ZMAT4: variants seen among roughly 807,000 people sequenced by gnomAD.
ZMAT4 encodes the protein zinc finger matrin-type protein 4.
Under a neutral mutation model 28.7 loss-of-function variants are expected in ZMAT4, and 17 were observed. The observed-to-expected ratio is 0.59, with a 90% CI of 0.41 to 0.89. ZMAT4 has a LOEUF of 0.89. ZMAT4 is among the 40% of genes least tolerant of loss of function. ZMAT4 has a pLI of 0.00. For missense variants in ZMAT4, 240 were observed against 283.8 expected, an observed-to-expected ratio of 0.85 and a Z score of 1.11; for synonymous variants, 117 against 109.2, an observed-to-expected ratio of 1.07 and a Z score of -0.44.
intron 5 of ZMAT4, among the ~76,000 whole-genome samples, chr8:40,615,933 A>G (rs989750895): frequency 2.7e-5 from 4 of 149,876 alleles, no homozygotes; most frequent in Non-Finnish European, 5.9e-5. Context: ...AGAAACTACC[A>G]TCAGAGTGAA....
intron 5 of ZMAT4, among the ~76,000 whole-genome samples, chr8:40,662,323 C>A (rs995702778): frequency 6.6e-6 from 1 of 152,110 alleles, no homozygotes; most frequent in Non-Finnish European, 1.5e-5. Context: ...TTTGTTGTTG[C>A]TTTTGCCCTT....
At chr8:40,588,042 C>T (rs1804725813) in intron 5 of ZMAT4, among the ~76,000 whole-genome samples, 3 of 152,000 alleles carry the variant, frequency 2.0e-5, no homozygotes, top group Non-Finnish European at 4.4e-5. Context: ...AGAAATTCAT[C>T]AGGAGAACCT....
At chr8:40,647,072 C>G (rs1431561457) in intron 5 of ZMAT4, among the ~76,000 whole-genome samples, 1 of 152,072 alleles carries the variant, frequency 6.6e-6, no homozygotes, top group Non-Finnish European at 1.5e-5. Context: ...GGGGGAGGAG[C>G]CAAGATGGCC....
chr8:40,613,866 G>A (rs563621383), intron 5 of ZMAT4, among the ~76,000 whole-genome samples: 1 of 152,240 alleles, frequency 6.6e-6, no homozygotes, highest in Admixed American at 6.5e-5. Flanking sequence ...CTGGAAGTGT[G>A]GGAGAGTTGG....
At chr8:40,659,600 A>T (rs899990316) in intron 5 of ZMAT4, among the ~76,000 whole-genome samples, 2 of 152,134 alleles carry the variant, frequency 1.3e-5, no homozygotes, top group African/African-American at 4.8e-5. Flanking sequence ...GAACAATCTG[A>T]TATTTCACGT....
chr8:40,612,345 G>T (rs940288933), intron 5 of ZMAT4, among the ~76,000 whole-genome samples: 2 of 137,526 alleles, frequency 1.5e-5, no homozygotes, highest in Non-Finnish European at 3.4e-5. Flanking sequence ...AGGAAATGCA[G>T]GTTCTATGCC....
intron 2 of ZMAT4, among the ~76,000 whole-genome samples, chr8:40,808,861 A>AC (rs1017075269): frequency 2.0e-5 from 3 of 151,950 alleles, no homozygotes; most frequent in African/African-American, 7.2e-5. Flanking sequence ...AAAAAAAAAA[A>AC]AAAACTATTC....
chr8:40,576,028 A>T (rs1804251796), intron 6 of ZMAT4, among the ~76,000 whole-genome samples: 1 of 152,016 alleles, frequency 6.6e-6, no homozygotes, highest in Non-Finnish European at 1.5e-5. Flanking sequence ...AAAAAGTACC[A>T]TCAAGAACAT....
intron 2 of ZMAT4, among the ~76,000 whole-genome samples, chr8:40,805,645 T>A (rs991630267): frequency 2.9e-4 from 43 of 146,666 alleles, no homozygotes; most frequent in African/African-American, 1.1e-3. Flanking sequence ...TGTAGGGACA[T>A]GGATGAAATC....
At chr8:40,778,808 C>G (rs1813707432) in intron 2 of ZMAT4, among the ~76,000 whole-genome samples, 1 of 152,138 alleles carries the variant, frequency 6.6e-6, no homozygotes, top group Non-Finnish European at 1.5e-5. Context: ...AGGTTGCTTT[C>G]AATTGATGGC....
At chr8:40,542,491 T>A (rs1173540745) in intron 6 of ZMAT4, among the ~76,000 whole-genome samples, 3 of 152,102 alleles carry the variant, frequency 2.0e-5, no homozygotes, top group Admixed American at 1.3e-4. Flanking sequence ...TGGGCTCAAG[T>A]GATCCTCCCA....
rs79128368 is a variant in ZMAT4, at chr8:40,815,617, C to T, written c.102+9958G>A. Among the ~76,000 whole-genome samples the T allele has an allele frequency of 2.4e-3, 363 of 152,252 alleles. 2 individuals are homozygous for T. Among genetic ancestry groups the T allele is most frequent in the Admixed American group, 8.7e-3 (133 of 15,310 alleles). On this transcript the variant is annotated intron_variant, in intron 2 of 6. Coordinates refer to ENST00000297737, the MANE Select transcript of ZMAT4 (RefSeq NM_024645.3). Reference sequence around the variant, plus strand: ...TCTCCACGCAGAAGGTGGGATGGTTCGGGCTATTTAGCAGTGAGGCACAGA... The same window carrying T: ...TCTCCACGCAGAAGGTGGGATGGTTTGGGCTATTTAGCAGTGAGGCACAGA...
chr8:40,731,185 G>T (rs528058089), intron 3 of ZMAT4, among the ~76,000 whole-genome samples: 1 of 146,450 alleles, frequency 6.8e-6, no homozygotes, highest in African/African-American at 2.4e-5. Context: ...GTTGGAGGGC[G>T]TTCCAGGGGA....
At chr8:40,659,217 ACTC>A (rs1554534918) in intron 5 of ZMAT4, among the ~76,000 whole-genome samples, 1 of 151,978 alleles carries the variant, frequency 6.6e-6, no homozygotes, top group Non-Finnish European at 1.5e-5. Flanking sequence ...AAAATATAAA[ACTC>A]CTAAGTGTGC....
At chr8:40,743,387 G>T (rs1440435309) in intron 3 of ZMAT4, among the ~76,000 whole-genome samples, 2 of 152,316 alleles carry the variant, frequency 1.3e-5, no homozygotes, top group East Asian at 3.9e-4. Context: ...AGGAGCCCCA[G>T]ACAGCGGATT....
chr8:40,691,426 G>C (rs1219667529), intron 4 of ZMAT4, among the ~76,000 whole-genome samples: 1 of 151,000 alleles, frequency 6.6e-6, no homozygotes, highest in Admixed American at 6.6e-5. Flanking sequence ...AAAAGAGAGA[G>C]AGACTTGTTT....
At chr8:40,664,729 A>G (rs903831529) in intron 5 of ZMAT4, among the ~76,000 whole-genome samples, 1 of 152,234 alleles carries the variant, frequency 6.6e-6, no homozygotes, top group African/African-American at 2.4e-5. Flanking sequence ...TTGTCGTTGT[A>G]AGCCACTAAG....
At chr8:40,854,007 A>AG in intron 1 of ZMAT4, among the ~76,000 whole-genome samples, 1 of 152,282 alleles carries the variant, frequency 6.6e-6, no homozygotes. Flanking sequence ...AAGAAGGTGA[A>AG]GGGGGAGCAG....
rs147019059 is a variant in ZMAT4 at position 40,749,799 on chromosome 8, C to T, written c.192+17842G>A. 3.3e-4 allele frequency among the ~76,000 whole-genome samples: 51 copies of T among 152,290 alleles called. 1 individual carries two copies. In the East Asian group the frequency reaches 9.6e-3, roughly 29 times the overall value. On this transcript the variant is annotated intron_variant, in intron 3 of 6. Transcript: ENST00000297737. ...GGGAGGTGACAAGATAAAAAAGGTG[C>T]TAGATTTAGGTGACCTCACTTTTGA... is the stretch of plus-strand genomic sequence containing the variant.
Sources: allele counts gnomAD v4.1 joint callset (sites outside exome capture counted in the v4.1 genomes callset), GRCh38; gene constraint gnomAD v4.1.1; transcripts MANE v1.5; gene names NCBI Gene and HGNC (gene_info 2026-07-23, HGNC 2026-07-21).